Variants in DTNA observed in about 807,000 individuals in gnomAD.
DTNA encodes the protein dystrophin-related protein 3.
DTNA carries 43 observed loss-of-function variants against 100.7 expected under a neutral mutation model. That is an observed-to-expected ratio of 0.43 (90% CI 0.33 to 0.55). The LOEUF (loss-of-function observed/expected upper bound fraction) is 0.55, where lower values mean the gene tolerates loss of function less well. Among genes scored for constraint, DTNA ranks in the 20% least tolerant of loss-of-function variants. The probability of loss-of-function intolerance (pLI) is 0.04; values close to 1 mark genes in which losing one functional copy is unlikely to be tolerated. For synonymous variants in DTNA, 349 were observed against 347.9 expected (o/e 1.00, Z -0.04); for missense variants, 798 against 953.9 (o/e 0.84, Z 2.15).
At chr18:34,606,775 G>A (rs2053205530) in intron 1 of DTNA, among the ~76,000 whole-genome samples, 1 of 152,118 alleles carries the variant, frequency 6.6e-6, no homozygotes, top group African/African-American at 2.4e-5. Context: ...CATGAGCAAG[G>A]ATATGAAAGG....
intron 1 of DTNA, among the ~76,000 whole-genome samples, chr18:34,525,760 A>G (rs2042556112): frequency 6.6e-6 from 1 of 152,190 alleles, no homozygotes; most frequent in Non-Finnish European, 1.5e-5. Context: ...GAATCCAAAG[A>G]GAATGTGACC....
chr18:34,541,388 C>A (rs558250067), intron 1 of DTNA, among the ~76,000 whole-genome samples: 36 of 152,140 alleles, frequency 2.4e-4, no homozygotes, highest in Admixed American at 7.2e-4. Flanking sequence ...TGATAATCCC[C>A]ACGTGTCATG....
chr18:34,719,299 G>C (rs1039151136), intron 1 of DTNA, among the ~76,000 whole-genome samples: 1 of 151,944 alleles, frequency 6.6e-6, no homozygotes, highest in Non-Finnish European at 1.5e-5. Context: ...ACCCCAGATC[G>C]CACCACTGCA....
At chr18:34,874,587 G>C (rs967771740) in intron 17 of DTNA, among the ~76,000 whole-genome samples, 10 of 152,190 alleles carry the variant, frequency 6.6e-5, no homozygotes, top group African/African-American at 2.4e-4. Context: ...TAGGAGAAGA[G>C]AAGGACATTT....
At chr18:34,641,069 A>G (rs2059222062) in intron 1 of DTNA, among the ~76,000 whole-genome samples, 1 of 152,128 alleles carries the variant, frequency 6.6e-6, no homozygotes, top group African/African-American at 2.4e-5. Context: ...AAATGTTGCT[A>G]CTAGTAAAAA....
intron 1 of DTNA, among the ~76,000 whole-genome samples, chr18:34,738,085 G>T (rs1462133603): frequency 6.6e-6 from 1 of 152,150 alleles, no homozygotes; most frequent in Non-Finnish European, 1.5e-5. Context: ...AAGAGAAAAA[G>T]AGAATATTCC....
intron 1 of DTNA, among the ~76,000 whole-genome samples, chr18:34,519,190 G>C (rs749857805): frequency 6.6e-6 from 1 of 152,150 alleles, no homozygotes; most frequent in Non-Finnish European, 1.5e-5. Context: ...CATCCAGGAG[G>C]AACTGTCCTA....
intron 7 of DTNA, 122 bp downstream of exon 7, chr18:34,816,136 T>C: frequency 1.0e-6 from 1 of 995,566 alleles, no homozygotes; most frequent in Non-Finnish European, 1.6e-6. Context: ...CTTAGTTTTG[T>C]TTAGGGTAGA....
At chr18:34,646,336 A>G (rs1400720555) in intron 1 of DTNA, among the ~76,000 whole-genome samples, 1 of 152,218 alleles carries the variant, frequency 6.6e-6, no homozygotes, top group Non-Finnish European at 1.5e-5. Context: ...TGGTAGTTTT[A>G]AAATTAGGAC....
At chr18:34,499,784 A>G (rs1164941378) in intron 1 of DTNA, among the ~76,000 whole-genome samples, 3 of 152,052 alleles carry the variant, frequency 2.0e-5, no homozygotes, top group Non-Finnish European at 2.9e-5. Context: ...CCTTAGTGAA[A>G]TGTCTCTTCA....
chr18:34,620,289 A>G (rs1472932058), intron 1 of DTNA, among the ~76,000 whole-genome samples: 2 of 152,216 alleles, frequency 1.3e-5, no homozygotes, highest in Non-Finnish European at 2.9e-5. Context: ...TAAATGGGGA[A>G]CCCAAATTGA....
intron 19 of DTNA, among the ~76,000 whole-genome samples, chr18:34,878,987 T>C (rs2096846053): frequency 6.6e-6 from 1 of 152,188 alleles, no homozygotes; most frequent in Non-Finnish European, 1.5e-5. Flanking sequence ...CCAAACGGAA[T>C]AAAAAGATAG....
At chr18:34,672,768 A>G (rs11874057) in intron 1 of DTNA, among the ~76,000 whole-genome samples, 2,299 of 152,320 alleles carry the variant, frequency 0.015, 46 homozygotes, top group African/African-American at 0.052. Context: ...TATAGTTTAC[A>G]GTTCTTCAAC....
At position 34,548,992 on chromosome 18, in the gene DTNA, A is replaced by G. The variant is rs548104344; in HGVS notation, c.-2+55478A>G. On this transcript the variant is annotated intron_variant, in intron 1 of 19. Coordinates refer to the DTNA transcript ENST00000283365. ...CTGATTCTTTAGCAATCTTCACACA[A>G]TGGAATTTCTTTCCCTTATTCCCAC... 5.9e-5 allele frequency among the ~76,000 whole-genome samples: 9 copies of G among 152,176 alleles called. 1 individual carries two copies. Among genetic ancestry groups the G allele is most frequent in the Middle Eastern group, 3.4e-3 (1 of 294 alleles).
chr18:34,674,798 A>G (rs1234451330), intron 1 of DTNA, among the ~76,000 whole-genome samples: 3 of 152,252 alleles, frequency 2.0e-5, no homozygotes, highest in African/African-American at 7.2e-5. Context: ...ACAAGCAATA[A>G]GTCCCTGCCC....
chr18:34,764,299 A>G (rs1429973837), intron 2 of DTNA, among the ~76,000 whole-genome samples: 1 of 152,210 alleles, frequency 6.6e-6, no homozygotes. Context: ...TTGAGATGCC[A>G]AGGAAAAACT....
At chr18:34,548,807 G>C (rs956156697) in intron 1 of DTNA, among the ~76,000 whole-genome samples, 12 of 152,022 alleles carry the variant, frequency 7.9e-5, no homozygotes, top group African/African-American at 2.9e-4. Flanking sequence ...CTGCATAATG[G>C]CATTATAATC....
At chr18:34,668,029 T>A (rs28776582) in intron 1 of DTNA, among the ~76,000 whole-genome samples, 15,750 of 152,138 alleles carry the variant, frequency 0.1, 1,136 homozygotes, top group African/African-American at 0.2. Context: ...CCTCTGGTAG[T>A]ATTCAGCTGT....
At chr18:34,578,627 T>G (rs2048338078) in intron 1 of DTNA, among the ~76,000 whole-genome samples, 1 of 152,210 alleles carries the variant, frequency 6.6e-6, no homozygotes, top group Admixed American at 6.5e-5. Flanking sequence ...TTGATCCATC[T>G]TGAGTTGATT....
Sources: allele counts gnomAD v4.1 joint callset (sites outside exome capture counted in the v4.1 genomes callset), GRCh38; gene constraint gnomAD v4.1.1; transcripts MANE v1.5; gene names NCBI Gene and HGNC (gene_info 2026-07-23, HGNC 2026-07-21).